SPIRE1: variants seen among roughly 807,000 people sequenced by gnomAD.
SPIRE1 encodes the protein spire type actin nucleation factor 1.
Under a neutral mutation model 94.1 loss-of-function variants are expected in SPIRE1, and 40 were observed. The ratio of observed to expected loss-of-function variants is 0.43; its 90% CI spans 0.33 to 0.55. The LOEUF (loss-of-function observed/expected upper bound fraction) is 0.55, where lower values mean the gene tolerates loss of function less well. Ranked by LOEUF, SPIRE1 falls within the 20% of genes least tolerant of loss-of-function variation. The probability of loss-of-function intolerance (pLI) is 0.06; values close to 1 mark genes in which losing one functional copy is unlikely to be tolerated. For synonymous variants in SPIRE1, 376 were observed against 371.7 expected, an observed-to-expected ratio of 1.01 and a Z score of -0.13; for missense variants, 838 against 975.2, an observed-to-expected ratio of 0.86 and a Z score of 1.87.
chr18:12,612,485 T>A (rs2037170319), intron 2 of SPIRE1, among the ~76,000 whole-genome samples: 1 of 152,220 alleles, frequency 6.6e-6, no homozygotes, highest in Non-Finnish European at 1.5e-5. Context: ...AGTTTCATAT[T>A]TATATAGTCT....
chr18:12,599,936 TTACAAA>T (rs1598514326), intron 2 of SPIRE1, among the ~76,000 whole-genome samples: 2 of 152,194 alleles, frequency 1.3e-5, no homozygotes, highest in Admixed American at 1.3e-4. Flanking sequence ...ATGTTCACTA[TTACAAA>T]TACATGATTA....
chr18:12,458,981 C>T (rs1023295042), intron 12 of SPIRE1, among the ~76,000 whole-genome samples: 4 of 152,114 alleles, frequency 2.6e-5, no homozygotes, highest in Middle Eastern at 3.2e-3. Flanking sequence ...GTTAGTAAAT[C>T]CAAGGCTTTA....
At chr18:12,648,629 C>T (rs1480513565) in intron 1 of SPIRE1, among the ~76,000 whole-genome samples, 2 of 152,050 alleles carry the variant, frequency 1.3e-5, no homozygotes, top group Non-Finnish European at 2.9e-5. Flanking sequence ...GTGGCTCACG[C>T]CTGTAATCCC....
intron 8 of SPIRE1, among the ~76,000 whole-genome samples, chr18:12,489,954 C>T (rs1046828571): frequency 6.6e-6 from 1 of 152,130 alleles, no homozygotes; most frequent in Non-Finnish European, 1.5e-5. Flanking sequence ...GAAAGTGATA[C>T]AAATATTTAG....
At chr18:12,651,303 T>C (rs901428073) in intron 1 of SPIRE1, among the ~76,000 whole-genome samples, 11 of 152,182 alleles carry the variant, frequency 7.2e-5, no homozygotes, top group Admixed American at 5.2e-4. Context: ...CCTACACATA[T>C]ACTTCATATA....
At chr18:12,553,355 A>C (rs2035411774) in intron 2 of SPIRE1, among the ~76,000 whole-genome samples, 1 of 152,150 alleles carries the variant, frequency 6.6e-6, no homozygotes, top group South Asian at 2.1e-4. Flanking sequence ...ACTGCCCTGA[A>C]GGGTGAGTCC....
intron 1 of SPIRE1, among the ~76,000 whole-genome samples, chr18:12,648,387 C>T (rs1360340276): frequency 1.3e-5 from 2 of 152,164 alleles, no homozygotes; most frequent in African/African-American, 4.8e-5. Context: ...GAGCCCTTCA[C>T]CTCGCTGGTA....
chr18:12,584,354 T>C (rs976384653), intron 2 of SPIRE1, among the ~76,000 whole-genome samples: 1 of 151,502 alleles, frequency 6.6e-6, no homozygotes, highest in Non-Finnish European at 1.5e-5. Context: ...CTCTTGAACC[T>C]GGGAGGCAGA....
Position 12,449,646 on chromosome 18 carries a change from C to T in SPIRE1, c.2263G>A (p.Glu755Lys). The T allele has an allele frequency of 6.2e-7, 1 of 1,613,990 alleles. No homozygotes were observed. Among genetic ancestry groups the T allele is most frequent in the Non-Finnish European group, 8.5e-7 (1 of 1,179,944 alleles). ...GCTGAAAGGCACGAGGCTCAGATCT[C>T]ACTGATCGTCCTCTCTGAAGGGCAG... ...EYCPSERTIS[E>K]I Residue 755 changes from glutamate to lysine, a missense_variant, in exon 17 of 17, where the codon GAG becomes AAG. Physicochemically the swap from Glu to Lys is moderately conservative, Grantham distance 56 (BLOSUM62 1). Around this residue, in one of 2 missense-constraint regions of SPIRE1, gnomAD observed 645 missense variants for 804.7 expected, o/e 0.80. Transcript: ENST00000409402.
intron 1 of SPIRE1, among the ~76,000 whole-genome samples, chr18:12,647,386 C>T (rs2038255454): frequency 6.6e-6 from 1 of 152,120 alleles, no homozygotes; most frequent in Non-Finnish European, 1.5e-5. Context: ...TCCAGTAAGT[C>T]GATATTTGAA....
intron 2 of SPIRE1, among the ~76,000 whole-genome samples, chr18:12,619,163 T>C (rs1056435075): frequency 3.9e-5 from 6 of 152,152 alleles, no homozygotes; most frequent in African/African-American, 1.2e-4. Flanking sequence ...CCCAAAGTAC[T>C]GGGATTATAG....
chr18:12,650,587 G>A (rs553366257), intron 1 of SPIRE1, among the ~76,000 whole-genome samples: 2 of 151,972 alleles, frequency 1.3e-5, no homozygotes, highest in Non-Finnish European at 2.9e-5. Flanking sequence ...GCACGTGCCT[G>A]TAGTCCCAGC....
chr18:12,496,305 T>TA (rs2033455573), intron 6 of SPIRE1, among the ~76,000 whole-genome samples: 1 of 152,242 alleles, frequency 6.6e-6, no homozygotes, highest in Non-Finnish European at 1.5e-5. Flanking sequence ...AAGTTTACTT[T>TA]AATTCTATCA....
intron 2 of SPIRE1, among the ~76,000 whole-genome samples, chr18:12,620,182 C>T (rs906425233): frequency 7.2e-5 from 11 of 151,998 alleles, no homozygotes; most frequent in Non-Finnish European, 1.6e-4. Flanking sequence ...TTGGAGTCAA[C>T]GAAGACCTAA....
rs1567897024 is a variant in SPIRE1 at position 12,506,473 on chromosome 18, T to A, written c.972+4A>T. ...ATGCCCGGCCTGACAGCTTGGTTACTTACCATCACTTTTCGCAAGGTGTAT... is the reference window on the plus strand; with the variant it reads ...ATGCCCGGCCTGACAGCTTGGTTACATACCATCACTTTTCGCAAGGTGTAT... On this transcript the variant is annotated splice_donor_region_variant and intron_variant, in intron 6 of 16. Transcript: ENST00000409402. 1.9e-6 allele frequency: 3 copies of A among 1,613,776 alleles called. No homozygotes were observed. Among genetic ancestry groups the A allele is most frequent in the Non-Finnish European group, 2.5e-6 (3 of 1,179,862 alleles).
chr18:12,452,232 G>C (rs1340166863), intron 16 of SPIRE1, 23 bp downstream of exon 16: 2 of 1,612,858 alleles, frequency 1.2e-6, no homozygotes, highest in African/African-American at 2.7e-5. Flanking sequence ...AGGATGGTTT[G>C]ACAACCCAGG....
At chr18:12,497,787 A>G in intron 6 of SPIRE1, among the ~76,000 whole-genome samples, 1 of 152,220 alleles carries the variant, frequency 6.6e-6, no homozygotes, top group East Asian at 1.9e-4. Flanking sequence ...CTTTTCTATT[A>G]CTCACTAGTC....
intron 2 of SPIRE1, among the ~76,000 whole-genome samples, chr18:12,625,331 G>C (rs118090809): frequency 6.6e-6 from 1 of 152,306 alleles, no homozygotes; most frequent in Non-Finnish European, 1.5e-5. Context: ...AAGACAGAAA[G>C]TAGAATGCAA....
At chr18:12,642,192 G>C (rs1471548826) in intron 1 of SPIRE1, among the ~76,000 whole-genome samples, 1 of 152,130 alleles carries the variant, frequency 6.6e-6, no homozygotes, top group Non-Finnish European at 1.5e-5. Context: ...CAATACGTTT[G>C]TGTGACAGGC....
Sources: gnomAD v4.1 joint callset for allele counts (sites outside exome capture counted in the v4.1 genomes callset) on GRCh38, gnomAD v4.1.1 for gene constraint, gnomAD v4.1.1 regional missense constraint, MANE v1.5 for transcripts, NCBI Gene and HGNC (gene_info 2026-07-23, HGNC 2026-07-21) for gene names.